CFAP210: variants seen among roughly 807,000 people sequenced by gnomAD.
CFAP210 encodes the protein cilia and flagella associated protein 210.
At chr2:169,685,031 TG>T in the CFAP210 span, among the ~76,000 whole-genome samples, 1 of 152,250 alleles carries the variant, frequency 6.6e-6, no homozygotes, top group Non-Finnish European at 1.5e-5. Flanking sequence ...CATCAGTTGA[TG>T]GATATTAGGG....
the CFAP210 span, among the ~76,000 whole-genome samples, chr2:169,673,002 T>C: frequency 1.3e-5 from 2 of 151,916 alleles, no homozygotes; most frequent in Non-Finnish European, 2.9e-5. Context: ...CAAAAGAAAA[T>C]AGAACAGTTG....
chr2:169,680,319 AC>A, the CFAP210 span, among the ~76,000 whole-genome samples: 1 of 152,258 alleles, frequency 6.6e-6, no homozygotes, highest in East Asian at 1.9e-4. Flanking sequence ...ATGCAAAATT[AC>A]AACTACTTTG....
chr2:169,651,756 C>A, the CFAP210 span, among the ~76,000 whole-genome samples: 6 of 152,110 alleles, frequency 3.9e-5, no homozygotes, highest in Non-Finnish European at 7.4e-5. Flanking sequence ...AGGAAATAAT[C>A]TAATAAAAGT....
At chr2:169,680,081 T>A in the CFAP210 span, among the ~76,000 whole-genome samples, 1 of 152,178 alleles carries the variant, frequency 6.6e-6, no homozygotes, top group Non-Finnish European at 1.5e-5. Flanking sequence ...CAAAACTAAT[T>A]TTAAAATGGG....
the CFAP210 span, among the ~76,000 whole-genome samples, chr2:169,657,124 C>T: frequency 1.3e-5 from 2 of 151,998 alleles, no homozygotes; most frequent in Admixed American, 6.6e-5. Context: ...GCATTTAAGC[C>T]TTCTCTTAAC....
chr2:169,649,217 G>T, the CFAP210 span: 797 of 1,612,926 alleles, frequency 4.9e-4, 1 homozygote, highest in Non-Finnish European at 4.3e-4. Flanking sequence ...ACCTCTTGAT[G>T]TTCTTTATCA....
chr2:169,657,670 A>G, the CFAP210 span, among the ~76,000 whole-genome samples: 1 of 152,120 alleles, frequency 6.6e-6, no homozygotes, highest in Admixed American at 6.6e-5. Flanking sequence ...CAGTGAGCCA[A>G]GATCATGCCA....
the CFAP210 span, among the ~76,000 whole-genome samples, chr2:169,655,280 G>A: frequency 3.2e-4 from 49 of 152,072 alleles, no homozygotes; most frequent in Non-Finnish European, 3.1e-4. Context: ...CTACAGGCAC[G>A]AGCCACCGTG....
the CFAP210 span, among the ~76,000 whole-genome samples, chr2:169,663,629 T>G: frequency 1.3e-5 from 2 of 152,032 alleles, no homozygotes; most frequent in Non-Finnish European, 2.9e-5. Context: ...AGCCAACAAG[T>G]TCACTTTGTT....
At chr2:169,670,406 T>C in the CFAP210 span, among the ~76,000 whole-genome samples, 1 of 152,206 alleles carries the variant, frequency 6.6e-6, no homozygotes, top group Non-Finnish European at 1.5e-5. Flanking sequence ...GTGAAAATTT[T>C]CACTTTCAGG....
the CFAP210 span, chr2:169,681,220 A>G: frequency 1.5e-5 from 24 of 1,607,518 alleles, no homozygotes; most frequent in Non-Finnish European, 2.0e-5. Flanking sequence ...GATCTTCTTC[A>G]GAGTTTCTTA....
At chr2:169,652,578 C>G in the CFAP210 span, among the ~76,000 whole-genome samples, 1 of 152,008 alleles carries the variant, frequency 6.6e-6, no homozygotes, top group African/African-American at 2.4e-5. Context: ...TGGTCATTGT[C>G]CTCCACCCTG....
At chr2:169,675,062 T>C in the CFAP210 span, 601,007 of 1,423,542 alleles carry the variant, frequency 0.42, 129,367 homozygotes, top group Middle Eastern at 0.47. Flanking sequence ...CAAACACAAT[T>C]TTTTGTTTTC....
the CFAP210 span, among the ~76,000 whole-genome samples, chr2:169,670,313 AC>A: frequency 6.6e-6 from 1 of 152,044 alleles, no homozygotes; most frequent in Non-Finnish European, 1.5e-5. Flanking sequence ...TCGCCGTCAC[AC>A]CCACTGGGCT....
chr2:169,689,370 T>G, the CFAP210 span, among the ~76,000 whole-genome samples: 1 of 152,228 alleles, frequency 6.6e-6, no homozygotes, highest in Non-Finnish European at 1.5e-5. Context: ...AAACTTTTCC[T>G]AAGTATTTTG....
At chr2:169,690,900 A>C in the CFAP210 span, among the ~76,000 whole-genome samples, 2 of 152,146 alleles carry the variant, frequency 1.3e-5, no homozygotes, top group African/African-American at 4.8e-5. Flanking sequence ...AGTTTACCAT[A>C]CTTAGAGGAT....
chr2:169,670,074 G>A, the CFAP210 span, among the ~76,000 whole-genome samples: 1 of 151,436 alleles, frequency 6.6e-6, no homozygotes, highest in Admixed American at 6.6e-5. Context: ...TTCTTTTTTT[G>A]TGTGTGAAGC....
the CFAP210 span, chr2:169,650,670 G>T: frequency 9.8e-7 from 1 of 1,017,922 alleles, no homozygotes; most frequent in Non-Finnish European, 1.3e-6. Flanking sequence ...ATTTTAAGTG[G>T]ACATTATTTT....
the CFAP210 span, among the ~76,000 whole-genome samples, chr2:169,657,391 C>T: frequency 6.6e-6 from 1 of 151,980 alleles, no homozygotes; most frequent in African/African-American, 2.4e-5. Flanking sequence ...AGACAGGACC[C>T]TAAAACCATT....
Sources: gnomAD v4.1 joint callset for allele counts (sites outside exome capture counted in the v4.1 genomes callset) on GRCh38, gnomAD v4.1.1 for gene constraint, MANE v1.5 for transcripts, NCBI Gene and HGNC (gene_info 2026-07-23, HGNC 2026-07-21) for gene names.